TERC: variants seen among roughly 807,000 people sequenced by gnomAD.
TERC encodes small Cajal body-specific RNA 19.
chr3:169,764,927 G>C lies in TERC; in HGVS notation n.134C>G, dbSNP rs1306157402. On this transcript the variant is annotated non_coding_transcript_exon_variant, in exon 1 of 1. Transcript: ENST00000602385. This position sits in a 1 kb window ranked among gnomAD's most constrained non-coding sequence, Gnocchi z 4.3. The stretch of plus-strand genomic sequence containing the variant: ...AATGAACGGTGGAAGGCGGCAGGCC[G>C]AGGCTTTTCCGCCCGCTGAAAGTCA... 2 of 765,230 alleles carry C rather than the reference G, an allele frequency of 2.6e-6. No homozygotes were observed. Among genetic ancestry groups the C allele is most frequent in the African/African-American group, 3.4e-5 (2 of 59,158 alleles). 47.4% of individuals were successfully genotyped at this position (765,230 alleles called of 1,614,324 possible).
chr3:169,765,046 C>T (rs755537229), exon 1 of TERC: 1 of 764,888 alleles, frequency 1.3e-6, no homozygotes, highest in Non-Finnish European at 2.4e-6. Flanking sequence ...CTCCCAGGCC[C>T]ACCCTCCGCA....
Position 169,764,920 on chromosome 3 carries a change from G to C in TERC, n.141C>G. On this transcript the variant is annotated non_coding_transcript_exon_variant, in exon 1 of 1. Transcript: ENST00000602385. The surrounding 1 kb of genome is among the most constrained non-coding windows in gnomAD (Gnocchi z 4.3). ...GCTCTAGAATGAACGGTGGAAGGCGGCAGGCCGAGGCTTTTCCGCCCGCTG... is the reference window on the plus strand; with the variant it reads ...GCTCTAGAATGAACGGTGGAAGGCGCCAGGCCGAGGCTTTTCCGCCCGCTG... 1.3e-6 allele frequency: 1 copy of C among 765,258 alleles called. No homozygotes were observed. Among genetic ancestry groups the C allele is most frequent in the Non-Finnish European group, 2.4e-6 (1 of 417,892 alleles). The allele number at this position is 765,258 out of a possible 1,614,324, so 47.4% of individuals were successfully genotyped here.
At chr3:169,765,027 C>T (rs552679780) in exon 1 of TERC, 2 of 765,200 alleles carry the variant, frequency 2.6e-6, no homozygotes, top group African/African-American at 1.7e-5. Context: ...CAAAAAATGG[C>T]CACCACCCCT....
rs756967332 is a variant in TERC at position 169,764,870 on chromosome 3, G to A, written n.191C>T. 4.0e-6 allele frequency: 3 copies of A among 758,842 alleles called. No individual in the cohort carries two copies. The highest frequency in any genetic ancestry group is 7.2e-6 in the Non-Finnish European group (3 of 414,736). The allele number at this position is 758,842 out of a possible 1,614,324, so 47.0% of individuals were successfully genotyped here. A position where few individuals can be genotyped will look rare whatever the true frequency, so the allele number is the denominator to read the frequency against. ...CGCAGGTCCCCGGGAGGGGCGAACG[G>A]GCCAGCAGCTGACATTTTTTGTTTG... On this transcript the variant is annotated non_coding_transcript_exon_variant, in exon 1 of 1. Transcript: ENST00000602385. The surrounding 1 kb of genome is among the most constrained non-coding windows in gnomAD (Gnocchi z 4.3).
chr3:169,764,630 G>A lies in TERC; in HGVS notation n.431C>T, dbSNP rs1374142931. ...GAACTGCATGTGTGAGCCGAGTCCT[G>A]GGTGCACGTCCCACAGCTCAGGGAA... On this transcript the variant is annotated non_coding_transcript_exon_variant, in exon 1 of 1. Transcript: ENST00000602385. This position sits in a 1 kb window ranked among gnomAD's most constrained non-coding sequence, Gnocchi z 4.3. 1.4e-6 allele frequency: 1 copy of A among 711,264 alleles called. No homozygotes were observed. Among genetic ancestry groups the A allele is most frequent in the Admixed American group, 2.0e-5 (1 of 50,588 alleles). The allele number at this position is 711,264 out of a possible 1,614,324, so 44.1% of individuals were successfully genotyped here.
chr3:169,764,614 G>A lies in TERC; in HGVS notation n.447C>T, dbSNP rs1232726843. ...CCACCAACAGGAAAGCGAACTGCAT[G>A]TGTGAGCCGAGTCCTGGGTGCACGT... On this transcript the variant is annotated non_coding_transcript_exon_variant, in exon 1 of 1. Transcript: ENST00000602385. The surrounding 1 kb of genome is among the most constrained non-coding windows in gnomAD (Gnocchi z 4.3). The A allele has an allele frequency of 1.4e-6, 1 of 691,204 alleles. No individual in the cohort carries two copies. Among genetic ancestry groups the A allele is most frequent in the Non-Finnish European group, 2.6e-6 (1 of 381,012 alleles). The allele number at this position is 691,204 out of a possible 1,614,324, so 42.8% of individuals were successfully genotyped here.
rs763663847 is a variant in TERC at position 169,764,864 on chromosome 3, C to T, written n.197G>A. 3 of 755,282 alleles carry T rather than the reference C, an allele frequency of 4.0e-6. No individual in the cohort carries two copies. Among genetic ancestry groups the T allele is most frequent in the South Asian group, 2.7e-5 (2 of 73,528 alleles). The allele number at this position is 755,282 out of a possible 1,614,324, so 46.8% of individuals were successfully genotyped here. A position where few individuals can be genotyped will look rare whatever the true frequency, so the allele number is the denominator to read the frequency against. ...ACCCGCCGCAGGTCCCCGGGAGGGG[C>T]GAACGGGCCAGCAGCTGACATTTTT... On this transcript the variant is annotated non_coding_transcript_exon_variant, in exon 1 of 1. Transcript: ENST00000602385. The surrounding 1 kb of genome is among the most constrained non-coding windows in gnomAD (Gnocchi z 4.3).
Position 169,764,892 on chromosome 3 carries a change from T to C in TERC, n.169A>G, listed in dbSNP as rs1439415851. 3 of 764,448 alleles carry C rather than the reference T, an allele frequency of 3.9e-6. No homozygotes were observed. Among genetic ancestry groups the C allele is most frequent in the Admixed American group, 3.4e-5 (2 of 58,954 alleles). The allele number at this position is 764,448 out of a possible 1,614,324, so 47.4% of individuals were successfully genotyped here. A position where few individuals can be genotyped will look rare whatever the true frequency, so the allele number is the denominator to read the frequency against. ...ACGGGCCAGCAGCTGACATTTTTTGTTTGCTCTAGAATGAACGGTGGAAGG... is the reference window on the plus strand; with the variant it reads ...ACGGGCCAGCAGCTGACATTTTTTGCTTGCTCTAGAATGAACGGTGGAAGG... On this transcript the variant is annotated non_coding_transcript_exon_variant, in exon 1 of 1. Coordinates refer to ENST00000602385, the Ensembl canonical transcript of TERC. This position sits in a 1 kb window ranked among gnomAD's most constrained non-coding sequence, Gnocchi z 4.3.
At position 169,764,803 on chromosome 3, in the gene TERC, G is replaced by A. The variant is rs1577384186; in HGVS notation, n.258C>T. On this transcript the variant is annotated non_coding_transcript_exon_variant, in exon 1 of 1. Transcript: ENST00000602385. This position sits in a 1 kb window ranked among gnomAD's most constrained non-coding sequence, Gnocchi z 4.3. ...CCTCCGGAGAAGCCCCGGGCCGACC[G>A]CGGCCTCCAGGCGGGGTTCGGGGGC... The A allele has an allele frequency of 1.4e-6, 1 of 730,784 alleles. No individual in the cohort carries two copies. 45.3% of individuals were successfully genotyped at this position (730,784 alleles called of 1,614,324 possible).
Position 169,764,737 on chromosome 3 carries a change from C to T in TERC, n.324G>A, listed in dbSNP as rs780516010. On this transcript the variant is annotated non_coding_transcript_exon_variant, in exon 1 of 1. Transcript: ENST00000602385. The surrounding 1 kb of genome is among the most constrained non-coding windows in gnomAD (Gnocchi z 4.3). ...ACCTCGCCCTCGCCCCCGAGAGACCCGCGGCTGACAGAGCCCAACTCTTCG... is the reference window on the plus strand; with the variant it reads ...ACCTCGCCCTCGCCCCCGAGAGACCTGCGGCTGACAGAGCCCAACTCTTCG... The T allele has an allele frequency of 2.7e-6, 2 of 753,272 alleles. No homozygotes were observed. The allele number at this position is 753,272 out of a possible 1,614,324, so 46.7% of individuals were successfully genotyped here.
rs1261368454 is a variant in TERC at position 169,764,836 on chromosome 3, G to T, written n.225C>A. 1.4e-6 allele frequency: 1 copy of T among 729,978 alleles called. No homozygotes were observed. The highest frequency in any genetic ancestry group is 2.5e-6 in the Non-Finnish European group (1 of 400,076). The allele number at this position is 729,978 out of a possible 1,614,324, so 45.2% of individuals were successfully genotyped here. On this transcript the variant is annotated non_coding_transcript_exon_variant, in exon 1 of 1. Coordinates refer to ENST00000602385, the Ensembl canonical transcript of TERC. The surrounding 1 kb of genome is among the most constrained non-coding windows in gnomAD (Gnocchi z 4.3). ...CAGGCGGGGTTCGGGGGCTGGGCAG[G>T]CGACCCGCCGCAGGTCCCCGGGAGG...
chr3:169,764,767 G>A lies in TERC; in HGVS notation n.294C>T, dbSNP rs1254978694. 6 of 744,892 alleles carry A rather than the reference G, an allele frequency of 8.1e-6. No homozygotes were observed. The highest frequency in any genetic ancestry group is 1.5e-5 in the Non-Finnish European group (6 of 407,744). 46.1% of individuals were successfully genotyped at this position (744,892 alleles called of 1,614,324 possible). Reference sequence around the variant, plus strand: ...CTGACAGAGCCCAACTCTTCGCGGTGGCAGTGGGTGCCTCCGGAGAAGCCC... The same window carrying A: ...CTGACAGAGCCCAACTCTTCGCGGTAGCAGTGGGTGCCTCCGGAGAAGCCC... On this transcript the variant is annotated non_coding_transcript_exon_variant, in exon 1 of 1. Transcript: ENST00000602385. The surrounding 1 kb of genome is among the most constrained non-coding windows in gnomAD (Gnocchi z 4.3).
chr3:169,764,772 T>C lies in TERC; in HGVS notation n.289A>G. 1.3e-6 allele frequency: 1 copy of C among 744,072 alleles called. No homozygotes were observed. The highest frequency in any genetic ancestry group is 1.4e-5 in the South Asian group (1 of 72,248). 46.1% of individuals were successfully genotyped at this position (744,072 alleles called of 1,614,324 possible). ...AGAGCCCAACTCTTCGCGGTGGCAG[T>C]GGGTGCCTCCGGAGAAGCCCCGGGC... On this transcript the variant is annotated non_coding_transcript_exon_variant, in exon 1 of 1. Coordinates refer to ENST00000602385, the Ensembl canonical transcript of TERC. This position sits in a 1 kb window ranked among gnomAD's most constrained non-coding sequence, Gnocchi z 4.3.
rs1191661277 is a variant in TERC at position 169,764,863 on chromosome 3, G to A, written n.198C>T. Reference sequence around the variant, plus strand: ...GACCCGCCGCAGGTCCCCGGGAGGGGCGAACGGGCCAGCAGCTGACATTTT... The same window carrying A: ...GACCCGCCGCAGGTCCCCGGGAGGGACGAACGGGCCAGCAGCTGACATTTT... On this transcript the variant is annotated non_coding_transcript_exon_variant, in exon 1 of 1. Transcript: ENST00000602385. This position sits in a 1 kb window ranked among gnomAD's most constrained non-coding sequence, Gnocchi z 4.3. 2.6e-6 allele frequency: 2 copies of A among 755,210 alleles called. No homozygotes were observed. Among genetic ancestry groups the A allele is most frequent in the Admixed American group, 1.7e-5 (1 of 57,430 alleles). 46.8% of individuals were successfully genotyped at this position (755,210 alleles called of 1,614,324 possible).
chr3:169,764,876 C>G lies in TERC; in HGVS notation n.185G>C. The G allele has an allele frequency of 1.3e-6, 1 of 761,194 alleles. No individual in the cohort carries two copies. The highest frequency in any genetic ancestry group is 1.7e-5 in the African/African-American group (1 of 59,200). The allele number at this position is 761,194 out of a possible 1,614,324, so 47.2% of individuals were successfully genotyped here. A position where few individuals can be genotyped will look rare whatever the true frequency, so the allele number is the denominator to read the frequency against. ...TCCCCGGGAGGGGCGAACGGGCCAG[C>G]AGCTGACATTTTTTGTTTGCTCTAG... On this transcript the variant is annotated non_coding_transcript_exon_variant, in exon 1 of 1. Transcript: ENST00000602385. This position sits in a 1 kb window ranked among gnomAD's most constrained non-coding sequence, Gnocchi z 4.3.
At position 169,764,924 on chromosome 3, in the gene TERC, G is replaced by A. The variant is rs2108183209; in HGVS notation, n.137C>T. 1.3e-6 allele frequency: 1 copy of A among 765,316 alleles called. No individual in the cohort carries two copies. Among genetic ancestry groups the A allele is most frequent in the South Asian group, 1.3e-5 (1 of 74,622 alleles). The allele number at this position is 765,316 out of a possible 1,614,324, so 47.4% of individuals were successfully genotyped here. A position where few individuals can be genotyped will look rare whatever the true frequency, so the allele number is the denominator to read the frequency against. ...TAGAATGAACGGTGGAAGGCGGCAGGCCGAGGCTTTTCCGCCCGCTGAAAG... is the reference window on the plus strand; with the variant it reads ...TAGAATGAACGGTGGAAGGCGGCAGACCGAGGCTTTTCCGCCCGCTGAAAG... On this transcript the variant is annotated non_coding_transcript_exon_variant, in exon 1 of 1. Transcript: ENST00000602385. The surrounding 1 kb of genome is among the most constrained non-coding windows in gnomAD (Gnocchi z 4.3).
chr3:169,765,005 G>A (rs1777964433), exon 1 of TERC: 1 of 765,358 alleles, frequency 1.3e-6, no homozygotes. Flanking sequence ...GCCCTTCTCA[G>A]TTAGGGTTAG....
exon 1 of TERC, chr3:169,765,019 A>T: frequency 1.3e-6 from 1 of 765,288 alleles, no homozygotes; most frequent in Non-Finnish European, 2.4e-6. Context: ...GGGTTAGACA[A>T]AAAATGGCCA....
chr3:169,765,017 C>CAA lies in TERC; in HGVS notation n.42_43dup, dbSNP rs1350357211. ...TACGCCCTTCTCAGTTAGGGTTAGACAAAAAATGGCCACCACCCCTCCCAG... is the reference window on the plus strand; with the variant it reads ...TACGCCCTTCTCAGTTAGGGTTAGACAAAAAAAATGGCCACCACCCCTCCCAG... On this transcript the variant is annotated non_coding_transcript_exon_variant, in exon 1 of 1. Coordinates refer to ENST00000602385, the Ensembl canonical transcript of TERC. 1.3e-6 allele frequency: 1 copy of CAA among 765,320 alleles called. No homozygotes were observed. Among genetic ancestry groups the CAA allele is most frequent in the Non-Finnish European group, 2.4e-6 (1 of 417,882 alleles). The allele number at this position is 765,320 out of a possible 1,614,324, so 47.4% of individuals were successfully genotyped here. A position where few individuals can be genotyped will look rare whatever the true frequency, so the allele number is the denominator to read the frequency against.
Sources: allele counts gnomAD v4.1 joint callset, GRCh38; gene constraint gnomAD v4.1.1; non-coding constraint Gnocchi (gnomAD v3.1); transcripts MANE v1.5; gene names NCBI Gene and HGNC (gene_info 2026-07-23, HGNC 2026-07-21).